The following RGPD2 variants were observed in gnomAD, a reference collection of about 807,000 sequenced individuals.
RGPD2 encodes the protein RANBP2-like and GRIP domain-containing protein 2.
A neutral mutation model predicts 36.0 loss-of-function variants in RGPD2; 2 were observed. The ratio of observed to expected loss-of-function variants is 0.06; its 90% CI spans 0.02 to 0.17. The LOEUF (loss-of-function observed/expected upper bound fraction) is 0.17, where lower values mean the gene tolerates loss of function less well. RGPD2 is among the 10% of genes least tolerant of loss of function. RGPD2 has a pLI of 1.00. For synonymous variants in RGPD2, 19 were observed against 163.8 expected, an observed-to-expected ratio of 0.12 and a Z score of 6.75; for missense variants, 40 against 464.3, an observed-to-expected ratio of 0.09 and a Z score of 8.40.
chr2:87,861,136 T>G, the RGPD2 span, among the ~76,000 whole-genome samples: 2 of 148,610 alleles, frequency 1.3e-5, no homozygotes. Flanking sequence ...GTGTAAGTGT[T>G]TTTTTTTTTT....
chr2:87,873,047 C>T, the RGPD2 span, among the ~76,000 whole-genome samples: 2 of 152,254 alleles, frequency 1.3e-5, no homozygotes, highest in East Asian at 1.9e-4. Flanking sequence ...CATGAGCCAC[C>T]GTGCCTGGCC....
the RGPD2 span, among the ~76,000 whole-genome samples, chr2:87,933,313 T>G: frequency 2.0e-3 from 219 of 107,666 alleles, no homozygotes; most frequent in East Asian, 0.03. Context: ...AATTACATTC[T>G]TCTCTATACT....
At chr2:87,956,913 G>A in the RGPD2 span, among the ~76,000 whole-genome samples, 2 of 144,716 alleles carry the variant, frequency 1.4e-5, no homozygotes, top group Non-Finnish European at 3.0e-5. Flanking sequence ...CAGAAGATCT[G>A]AGTCTTCTCC....
the RGPD2 span, among the ~76,000 whole-genome samples, chr2:87,983,885 G>C: frequency 6.6e-6 from 1 of 152,274 alleles, no homozygotes; most frequent in Non-Finnish European, 1.5e-5. Context: ...TGCGTGCAAA[G>C]CATTAAGAAA....
At chr2:87,780,545 CAG>C (rs1448393127) in intron 20 of RGPD2, among the ~76,000 whole-genome samples, 1 of 151,872 alleles carries the variant, frequency 6.6e-6, no homozygotes, top group African/African-American at 2.4e-5. Context: ...AAAAAAAAAT[CAG>C]AGATTGTTAT....
chr2:87,964,253 T>C, the RGPD2 span, among the ~76,000 whole-genome samples: 3 of 152,302 alleles, frequency 2.0e-5, no homozygotes, highest in African/African-American at 7.2e-5. Flanking sequence ...TACTTTTTTT[T>C]TGTTCAGTGG....
the RGPD2 span, among the ~76,000 whole-genome samples, chr2:87,942,381 A>G: frequency 7.0e-6 from 1 of 142,030 alleles, no homozygotes; most frequent in Non-Finnish European, 1.5e-5. Context: ...TTGAGTTCCA[A>G]ATTGAACTAG....
At chr2:87,883,143 A>G in the RGPD2 span, among the ~76,000 whole-genome samples, 1 of 152,150 alleles carries the variant, frequency 6.6e-6, no homozygotes, top group African/African-American at 2.4e-5. Flanking sequence ...CACATATTAT[A>G]AAAAGATGTA....
intron 21 of RGPD2, among the ~76,000 whole-genome samples, chr2:87,772,748 T>C (rs1176461233): frequency 7.3e-6 from 1 of 137,814 alleles, no homozygotes; most frequent in Non-Finnish European, 1.6e-5. Flanking sequence ...GGAGAAAAAG[T>C]AGATGAGATA....
At chr2:87,962,695 C>CT in the RGPD2 span, among the ~76,000 whole-genome samples, 2 of 151,926 alleles carry the variant, frequency 1.3e-5, no homozygotes, top group Admixed American at 6.6e-5. Context: ...TGGCACAGTT[C>CT]TGAGGCCCAG....
the RGPD2 span, among the ~76,000 whole-genome samples, chr2:87,975,914 G>C: frequency 1.3e-5 from 2 of 152,066 alleles, no homozygotes; most frequent in Non-Finnish European, 2.9e-5. Flanking sequence ...TCTTTTGCCA[G>C]TGCTTAACAC....
chr2:87,913,578 C>T, the RGPD2 span, among the ~76,000 whole-genome samples: 2 of 150,218 alleles, frequency 1.3e-5, no homozygotes, highest in Non-Finnish European at 1.5e-5. Context: ...CTGGGTTCTT[C>T]GGGAATGTGA....
upstream of RGPD2, among the ~76,000 whole-genome samples, chr2:87,829,216 C>G (rs368290933): frequency 3.8e-4 from 24 of 63,476 alleles, 1 homozygote; most frequent in South Asian, 2.8e-3. Flanking sequence ...TACATGTACT[C>G]AAATATTTTT....
At chr2:87,825,089 C>T (rs147968875) in intron 1 of RGPD2, 59 of 388,666 alleles carry the variant, frequency 1.5e-4, no homozygotes, top group African/African-American at 1.2e-3. Context: ...CTATAGTAAA[C>T]CCTGAGAACC....
At chr2:87,760,855 G>A (rs1486815558) in intron 22 of RGPD2, among the ~76,000 whole-genome samples, 6 of 145,718 alleles carry the variant, frequency 4.1e-5, no homozygotes, top group Non-Finnish European at 6.1e-5. Context: ...CTGACCTTGC[G>A]ATCTGCCCGC....
chr2:87,880,215 A>G, the RGPD2 span, among the ~76,000 whole-genome samples: 5 of 152,050 alleles, frequency 3.3e-5, no homozygotes, highest in African/African-American at 9.7e-5. Context: ...GATATTAGCC[A>G]CTTACTGGAT....
the RGPD2 span, among the ~76,000 whole-genome samples, chr2:87,988,694 C>T: frequency 6.6e-6 from 1 of 151,390 alleles, no homozygotes; most frequent in Non-Finnish European, 1.5e-5. Context: ...AAGTGCACCA[C>T]CACACCCCGC....
At chr2:87,929,063 A>C in the RGPD2 span, among the ~76,000 whole-genome samples, 2 of 152,028 alleles carry the variant, frequency 1.3e-5, no homozygotes, top group South Asian at 4.1e-4. Flanking sequence ...ATTAGATTCC[A>C]TTTGTCAATT....
chr2:87,855,241 T>C, the RGPD2 span, among the ~76,000 whole-genome samples: 1 of 152,164 alleles, frequency 6.6e-6, no homozygotes, highest in African/African-American at 2.4e-5. Context: ...TTTGTGTAAA[T>C]ATCAAGAAGT....
Sources: gnomAD v4.1 joint callset for allele counts (sites outside exome capture counted in the v4.1 genomes callset) on GRCh38, gnomAD v4.1.1 for gene constraint, MANE v1.5 for transcripts, NCBI Gene and HGNC (gene_info 2026-07-23, HGNC 2026-07-21) for gene names.